The following DPYSL2 variants were observed in gnomAD, a reference collection of about 807,000 sequenced individuals.
The protein encoded by DPYSL2 is dihydropyrimidinase like 2, also known as dihydropyrimidinase-related protein 2.
Under a neutral mutation model 69.9 loss-of-function variants are expected in DPYSL2, and 13 were observed. That is an observed-to-expected ratio of 0.19 (90% CI 0.12 to 0.30). DPYSL2 has a LOEUF of 0.30. DPYSL2 is among the 10% of genes least tolerant of loss of function. DPYSL2 has a pLI of 1.00. For synonymous variants in DPYSL2, 326 were observed against 359.1 expected (o/e 0.91, Z 1.04); for missense variants, 587 against 918.9 (o/e 0.64, Z 4.67).
chr8:26,523,152 TG>T (rs1446683158), intron 1 of DPYSL2, among the ~76,000 whole-genome samples: 33 of 150,980 alleles, frequency 2.2e-4, no homozygotes, highest in Non-Finnish European at 4.4e-4. Flanking sequence ...CAGACATACA[TG>T]TATATATATA....
chr8:26,600,519 G>A (rs769827165), intron 3 of DPYSL2, among the ~76,000 whole-genome samples: 3 of 152,112 alleles, frequency 2.0e-5, no homozygotes, highest in Non-Finnish European at 2.9e-5. Flanking sequence ...TGTCATTGTG[G>A]CTTTAATTTT....
rs545648221 is a variant in DPYSL2, at chr8:26,642,312, C to T, written c.1127-1127C>T. Among the ~76,000 whole-genome samples, 32 of 152,174 alleles carry T rather than the reference C, an allele frequency of 2.1e-4. No homozygotes were observed. Among genetic ancestry groups the T allele is most frequent in the African/African-American group, 7.7e-4 (32 of 41,500 alleles). On this transcript the variant is annotated intron_variant, in intron 8 of 13. Transcript: ENST00000521913. The surrounding 1 kb of genome is among the most constrained non-coding windows in gnomAD (Gnocchi z 5.3). Reference sequence around the variant, plus strand: ...ATTCTCAGGTGAAGGGTGTGAGACCCGAGTTGTGTTTTGGACGATGTTAAA... The same window carrying T: ...ATTCTCAGGTGAAGGGTGTGAGACCTGAGTTGTGTTTTGGACGATGTTAAA...
At position 26,653,297 on chromosome 8, in the gene DPYSL2, G is replaced by A. The variant is rs749111397; in HGVS notation, c.1842G>A (p.Thr614=). ...GACCTGTGTGTGAAGTGTCTGTGAC[G>A]CCCAAGACAGTCACTCCAGCCTCCT... ...YDGPVCEVSV[T]PKTVTPASSA... Residue 614 remains threonine (T), a synonymous_variant, in exon 13 of 14, where the codon ACG becomes ACA. Transcript: ENST00000521913. This position sits in a 1 kb window ranked among gnomAD's most constrained non-coding sequence, Gnocchi z 5.7. 24 of 1,613,964 alleles carry A rather than the reference G, an allele frequency of 1.5e-5. No individual in the cohort carries two copies. Among genetic ancestry groups the A allele is most frequent in the African/African-American group, 8.0e-5 (6 of 74,890 alleles).
At position 26,626,593 on chromosome 8, in the gene DPYSL2, A is replaced by T. The variant is rs1563415766; in HGVS notation, c.794-24A>T. ...TATTTGGTTTATCTATTAAAAGTCC[A>T]CTTCTCTATTTTGTCCGCACTAGGG... On this transcript the variant is annotated intron_variant, in intron 4 of 13. Transcript: ENST00000521913. The surrounding 1 kb of genome is among the most constrained non-coding windows in gnomAD (Gnocchi z 4.3). The T allele has an allele frequency of 6.2e-6, 10 of 1,611,810 alleles. No individual in the cohort carries two copies. Among genetic ancestry groups the T allele is most frequent in the Non-Finnish European group, 8.5e-6 (10 of 1,178,544 alleles).
intron 1 of DPYSL2, among the ~76,000 whole-genome samples, chr8:26,521,779 G>A (rs1271475693): frequency 6.6e-6 from 1 of 151,852 alleles, no homozygotes; most frequent in Non-Finnish European, 1.5e-5. Flanking sequence ...TACAGTATAT[G>A]GCCTTTTGTG....
intron 3 of DPYSL2, 105 bp downstream of exon 3, chr8:26,584,088 CAG>C: frequency 8.8e-7 from 1 of 1,135,516 alleles, no homozygotes; most frequent in Non-Finnish European, 1.3e-6. Flanking sequence ...TCCTGAGCCA[CAG>C]TTCAATCTAC....
chr8:26,596,847 G>A (rs145589187), intron 3 of DPYSL2, among the ~76,000 whole-genome samples: 3 of 152,292 alleles, frequency 2.0e-5, no homozygotes, highest in Non-Finnish European at 4.4e-5. Flanking sequence ...CAGTTAGACA[G>A]CCTGCTCATG....
Position 26,560,333 on chromosome 8 carries a change from CCAAT to C in DPYSL2, c.355-21632_355-21629del, listed in dbSNP as rs1801051956. Reference sequence around the variant, plus strand: ...GCCTTAGAATACTTTTAGACAGAGCCCAATCAAAGGATTTATTTTCACTTTATTC... The same window carrying C: ...GCCTTAGAATACTTTTAGACAGAGCCCAAAGGATTTATTTTCACTTTATTC... On this transcript the variant is annotated intron_variant, in intron 1 of 13. Transcript: ENST00000521913. This position sits in a 1 kb window ranked among gnomAD's most constrained non-coding sequence, Gnocchi z 4.4. 6.6e-6 allele frequency among the ~76,000 whole-genome samples: 1 copy of C among 152,094 alleles called. No homozygotes were observed. Among genetic ancestry groups the C allele is most frequent in the African/African-American group, 2.4e-5 (1 of 41,404 alleles).
intron 7 of DPYSL2, among the ~76,000 whole-genome samples, chr8:26,633,648 TA>T (rs577809116): frequency 6.6e-5 from 10 of 151,650 alleles, no homozygotes; most frequent in African/African-American, 2.2e-4. Context: ...TTTTTTTTTT[TA>T]ATTTTTAATA....
chr8:26,578,761 C>A (rs1585520549), intron 1 of DPYSL2, among the ~76,000 whole-genome samples: 1 of 152,180 alleles, frequency 6.6e-6, no homozygotes, highest in African/African-American at 2.4e-5. Flanking sequence ...CTTTCTGGAG[C>A]CTTCTCCGGG....
In DPYSL2 at chr8:26,514,080, C is replaced by T. The variant is rs1231357181; in HGVS notation, c.-246C>T. ...GACGCCCTCCCAGATCCAACTTTGC[C>T]GCTTCCCCGAGCTCGCGCTGTAGCC... On this transcript the variant is annotated 5_prime_UTR_variant, in exon 1 of 14. Coordinates refer to ENST00000521913, the MANE Select transcript of DPYSL2 (RefSeq NM_001197293.3). The surrounding 1 kb of genome is among the most constrained non-coding windows in gnomAD (Gnocchi z 8.4). The T allele has an allele frequency of 4.1e-5, 15 of 362,000 alleles. No homozygotes were observed. Among genetic ancestry groups the T allele is most frequent in the Non-Finnish European group, 5.9e-5 (12 of 203,540 alleles). The allele number at this position is 362,000 out of a possible 1,614,324, so 22.4% of individuals were successfully genotyped here. A position where few individuals can be genotyped will look rare whatever the true frequency, so the allele number is the denominator to read the frequency against.
chr8:26,517,438 C>G lies in DPYSL2; in HGVS notation c.354+2759C>G, dbSNP rs549889871. On this transcript the variant is annotated intron_variant, in intron 1 of 13. Transcript: ENST00000521913. This position sits in a 1 kb window ranked among gnomAD's most constrained non-coding sequence, Gnocchi z 4.2. ...GGTTGTGAATGAGGAAAGCCTCTAT[C>G]TTGTTACTCTCTTTTTCCTATAAGT... Among the ~76,000 whole-genome samples, 28 of 152,322 alleles carry G rather than the reference C, an allele frequency of 1.8e-4. No individual in the cohort carries two copies. The highest frequency in any genetic ancestry group is 6.7e-4 in the African/African-American group (28 of 41,576).
rs1453375532 is a variant in DPYSL2, at chr8:26,656,910, C to T, written c.*1204C>T. The T allele has an allele frequency of 6.6e-6, 1 of 152,420 alleles. No individual in the cohort carries two copies. Among genetic ancestry groups the T allele is most frequent in the African/African-American group, 2.4e-5 (1 of 41,422 alleles). The allele number at this position is 152,420 out of a possible 1,614,324, so 9.4% of individuals were successfully genotyped here. A position where few individuals can be genotyped will look rare whatever the true frequency, so the allele number is the denominator to read the frequency against. On this transcript the variant is annotated 3_prime_UTR_variant, in exon 14 of 14. Transcript: ENST00000521913. Reference sequence around the variant, plus strand: ...CTAAAGTCACGGTCAAACCTAAACACCGAGCCTCATTAACCCAAGTGAACC... The same window carrying T: ...CTAAAGTCACGGTCAAACCTAAACATCGAGCCTCATTAACCCAAGTGAACC...
chr8:26,534,288 C>G (rs1051435045), intron 1 of DPYSL2, among the ~76,000 whole-genome samples: 3 of 152,098 alleles, frequency 2.0e-5, no homozygotes, highest in Non-Finnish European at 4.4e-5. Flanking sequence ...TCAAGTGATC[C>G]TCCCACCTTG....
rs1381156330 is a variant in DPYSL2, at chr8:26,657,370, A to G, written c.*1664A>G. On this transcript the variant is annotated 3_prime_UTR_variant, in exon 14 of 14. Coordinates refer to ENST00000521913, the MANE Select transcript of DPYSL2 (RefSeq NM_001197293.3). ...TGACTTGTGTTGCATTGTATTCCAA[A>G]CGTGTTTACAGGTTCTCTTAAGCAA... is the stretch of plus-strand genomic sequence containing the variant. The G allele has an allele frequency of 1.3e-5, 2 of 152,672 alleles. No individual in the cohort carries two copies. The highest frequency in any genetic ancestry group is 1.3e-4 in the Admixed American group (2 of 15,294). The allele number at this position is 152,672 out of a possible 1,614,324, so 9.5% of individuals were successfully genotyped here.
intron 8 of DPYSL2, among the ~76,000 whole-genome samples, chr8:26,639,928 A>C (rs1803002962): frequency 6.6e-6 from 1 of 152,214 alleles, no homozygotes; most frequent in Non-Finnish European, 1.5e-5. Flanking sequence ...GTTCTTCTAG[A>C]ACCACTCTTG....
chr8:26,596,685 T>A (rs1216237638), intron 3 of DPYSL2, among the ~76,000 whole-genome samples: 6 of 152,356 alleles, frequency 3.9e-5, no homozygotes, highest in African/African-American at 1.4e-4. Flanking sequence ...CTTATCCTCC[T>A]GTTATAAATG....
rs1431533513 is a variant in DPYSL2 at position 26,582,972 on chromosome 8, C to CCA, written c.444-826_444-825dup. The stretch of plus-strand genomic sequence containing the variant: ...TGTGTTTGCTGTGACAGTCTCAGCT[C>CCA]CAGGCTCTCAAATGCCATGACTTTG... On this transcript the variant is annotated intron_variant, in intron 2 of 13. Transcript: ENST00000521913. This position sits in a 1 kb window ranked among gnomAD's most constrained non-coding sequence, Gnocchi z 4.1. Among the ~76,000 whole-genome samples, 2 of 152,108 alleles carry CCA rather than the reference C, an allele frequency of 1.3e-5. No homozygotes were observed. The highest frequency in any genetic ancestry group is 1.9e-4 in the East Asian group (1 of 5,198).
In DPYSL2 at chr8:26,657,414, T is replaced by C. The variant is rs1803416416; in HGVS notation, c.*1708T>C. On this transcript the variant is annotated 3_prime_UTR_variant, in exon 14 of 14. Transcript: ENST00000521913. ...TAAGCAATGTTGTATTTGCAGGCTT[T>C]TCTGAATACCAAATCTGCTTTTTGT... is the stretch of plus-strand genomic sequence containing the variant. 1.3e-5 allele frequency: 2 copies of C among 152,654 alleles called. No homozygotes were observed. Among genetic ancestry groups the C allele is most frequent in the South Asian group, 4.1e-4 (2 of 4,830 alleles). 9.5% of individuals were successfully genotyped at this position (152,654 alleles called of 1,614,324 possible).
Sources: gnomAD v4.1 joint callset for allele counts (sites outside exome capture counted in the v4.1 genomes callset) on GRCh38, gnomAD v4.1.1 for gene constraint, Gnocchi (gnomAD v3.1) non-coding constraint, MANE v1.5 for transcripts, NCBI Gene and HGNC (gene_info 2026-07-23, HGNC 2026-07-21) for gene names.